Variants in ADAMTSL1 observed in about 807,000 individuals in gnomAD.
ADAMTSL1 encodes the protein ADAMTS-like protein 1.
A neutral mutation model predicts 201.8 loss-of-function variants in ADAMTSL1; 126 were observed. The ratio of observed to expected loss-of-function variants is 0.62; its 90% confidence interval spans 0.54 to 0.72. The LOEUF is 0.72. Ranked by LOEUF, ADAMTSL1 falls within the 30% of genes least tolerant of loss-of-function variation. The probability of loss-of-function intolerance (pLI) is 0.00; values close to 1 mark genes in which losing one functional copy is unlikely to be tolerated. For missense variants in ADAMTSL1, 2,679 were observed against 2,277.8 expected, an observed-to-expected ratio of 1.18 and a Z score of -3.59; for synonymous variants, 1,121 against 903.4, an observed-to-expected ratio of 1.24 and a Z score of -4.32.
chr9:18,837,060 A>G (rs1420586039), intron 23 of ADAMTSL1, among the ~76,000 whole-genome samples: 1 of 152,158 alleles, frequency 6.6e-6, no homozygotes, highest in Non-Finnish European at 1.5e-5. Flanking sequence ...GAAGAGAGAT[A>G]GTTTGACTTA....
chr9:18,822,838 A>C (rs1263329513), intron 21 of ADAMTSL1, among the ~76,000 whole-genome samples: 3 of 152,086 alleles, frequency 2.0e-5, no homozygotes. Context: ...GTCTCAGTAC[A>C]CTCCGATGTT....
intron 23 of ADAMTSL1, among the ~76,000 whole-genome samples, chr9:18,849,525 G>C (rs897965778): frequency 6.6e-6 from 1 of 152,200 alleles, no homozygotes; most frequent in African/African-American, 2.4e-5. Flanking sequence ...ATGGTCAAAG[G>C]TTAGGTAAAA....
intron 1 of ADAMTSL1, among the ~76,000 whole-genome samples, chr9:18,141,636 C>T (rs1202008761): frequency 6.6e-6 from 1 of 152,138 alleles, no homozygotes; most frequent in Non-Finnish European, 1.5e-5. Context: ...TGGTGGCCTG[C>T]TCTTTGTGGC....
At chr9:18,509,126 G>A (rs1192347433) in intron 2 of ADAMTSL1, among the ~76,000 whole-genome samples, 2 of 94,868 alleles carry the variant, frequency 2.1e-5, no homozygotes, top group African/African-American at 5.1e-5. Context: ...GGAGCTTGCA[G>A]TGAGCCGAGA....
chr9:18,347,148 C>T (rs375751739), intron 2 of ADAMTSL1, among the ~76,000 whole-genome samples: 1 of 152,062 alleles, frequency 6.6e-6, no homozygotes, highest in African/African-American at 2.4e-5. Flanking sequence ...TGAATGGTCA[C>T]CCCACTTGTA....
At chr9:18,670,069 G>T (rs527425398) in intron 9 of ADAMTSL1, among the ~76,000 whole-genome samples, 5 of 152,176 alleles carry the variant, frequency 3.3e-5, no homozygotes, top group African/African-American at 1.2e-4. Flanking sequence ...AAATAGGCTG[G>T]TTTCTATTGC....
chr9:18,000,807 G>A (rs113867229), intron 1 of ADAMTSL1, among the ~76,000 whole-genome samples: 33 of 152,152 alleles, frequency 2.2e-4, no homozygotes, highest in African/African-American at 7.7e-4. Flanking sequence ...AGGCCAGAGC[G>A]GCTCAGGTGA....
intron 7 of ADAMTSL1, among the ~76,000 whole-genome samples, chr9:18,652,143 G>A (rs1828316630): frequency 2.0e-5 from 3 of 151,780 alleles, no homozygotes; most frequent in Admixed American, 6.6e-5. Flanking sequence ...CCTTTGTGGT[G>A]GGTGGATCAC....
chr9:17,929,060 A>T (rs568484798), intron 1 of ADAMTSL1, among the ~76,000 whole-genome samples: 3 of 152,178 alleles, frequency 2.0e-5, no homozygotes, highest in African/African-American at 7.2e-5. Context: ...GGATTACATG[A>T]TCTAGTGGGT....
chr9:18,400,489 T>A (rs1201986822), intron 2 of ADAMTSL1, among the ~76,000 whole-genome samples: 1 of 152,212 alleles, frequency 6.6e-6, no homozygotes, highest in African/African-American at 2.4e-5. Flanking sequence ...TCTAACAGAA[T>A]ACTTGCCATT....
chr9:18,088,156 G>T (rs1192404714), intron 1 of ADAMTSL1, among the ~76,000 whole-genome samples: 4 of 152,154 alleles, frequency 2.6e-5, no homozygotes, highest in Admixed American at 6.5e-5. Context: ...GGAAAGGATA[G>T]TCTCTTCAAC....
intron 2 of ADAMTSL1, among the ~76,000 whole-genome samples, chr9:18,323,762 A>G (rs1240476761): frequency 1.3e-5 from 2 of 152,224 alleles, no homozygotes; most frequent in African/African-American, 2.4e-5. Context: ...CATAAGGGAT[A>G]CATTTAACAA....
At chr9:18,168,380 G>C (rs1474524298) in intron 2 of ADAMTSL1, among the ~76,000 whole-genome samples, 2 of 152,028 alleles carry the variant, frequency 1.3e-5, no homozygotes, top group Admixed American at 6.6e-5. Context: ...GCGGTGTTTG[G>C]TTTTTTGTCC....
rs12554668 is a variant in ADAMTSL1 at position 18,665,825 on chromosome 9, G to A, written c.1085+3752G>A. On this transcript the variant is annotated intron_variant, in intron 9 of 28. Coordinates refer to ENST00000380548, the MANE Select transcript of ADAMTSL1 (RefSeq NM_001040272.6). ...CTATACTCTTCAAAATACTTTTTAT[G>A]TTTTCATGGCTTTTTTGCTGATTCT... is the stretch of plus-strand genomic sequence containing the variant. Among the ~76,000 whole-genome samples, 1,027 of 152,164 alleles carry A rather than the reference G, an allele frequency of 6.7e-3. 43 individuals are homozygous for A. The highest frequency in any genetic ancestry group is 0.057 in the Admixed American group (863 of 15,266).
At chr9:18,695,628 C>T (rs113663634) in intron 13 of ADAMTSL1, among the ~76,000 whole-genome samples, 2 of 152,184 alleles carry the variant, frequency 1.3e-5, no homozygotes, top group Admixed American at 6.5e-5. Context: ...ACCACCTCCC[C>T]CTGGACTTCA....
At chr9:18,671,011 G>A (rs765550950) in intron 9 of ADAMTSL1, among the ~76,000 whole-genome samples, 1 of 152,140 alleles carries the variant, frequency 6.6e-6, no homozygotes, top group African/African-American at 2.4e-5. Context: ...CTTATAAAAT[G>A]TAAATGCTAT....
chr9:18,116,723 A>G (rs1825266267), intron 1 of ADAMTSL1, among the ~76,000 whole-genome samples: 2 of 152,254 alleles, frequency 1.3e-5, no homozygotes, highest in South Asian at 4.1e-4. Context: ...TTAAAATTTT[A>G]TTATGATTAT....
intron 16 of ADAMTSL1, among the ~76,000 whole-genome samples, chr9:18,763,709 C>G (rs955132244): frequency 1.3e-5 from 2 of 152,096 alleles, no homozygotes; most frequent in African/African-American, 4.8e-5. Context: ...ATAGAGATAT[C>G]CAGTTTTCCA....
At chr9:18,640,512 A>G (rs563314800) in intron 7 of ADAMTSL1, among the ~76,000 whole-genome samples, 62 of 152,216 alleles carry the variant, frequency 4.1e-4, no homozygotes, top group Non-Finnish European at 8.5e-4. Flanking sequence ...AATATTGCTT[A>G]CATTGGAACA....
Sources: gnomAD v4.1 joint callset for allele counts (sites outside exome capture counted in the v4.1 genomes callset) on GRCh38, gnomAD v4.1.1 for gene constraint, MANE v1.5 for transcripts, NCBI Gene and HGNC (gene_info 2026-07-23, HGNC 2026-07-21) for gene names.